RXFP1: variants seen among roughly 807,000 people sequenced by gnomAD.
RXFP1 encodes the protein relaxin family peptide receptor 1.
A neutral mutation model predicts 89.8 loss-of-function variants in RXFP1; 73 were observed. The ratio of observed to expected loss-of-function variants is 0.81; its 90% CI spans 0.67 to 0.99. The LOEUF is 0.99. RXFP1 is among the 50% of genes least tolerant of loss of function. RXFP1 has a pLI of 0.00. For synonymous variants in RXFP1, 277 were observed against 305.5 expected (o/e 0.91, Z 0.97); for missense variants, 793 against 895.5 (o/e 0.89, Z 1.46).
intron 1 of RXFP1, among the ~76,000 whole-genome samples, chr4:158,572,043 T>C (rs1188639996): frequency 6.6e-6 from 1 of 152,162 alleles, no homozygotes; most frequent in Non-Finnish European, 1.5e-5. Flanking sequence ...ATGACACACC[T>C]GGTGAAACCA....
chr4:158,589,137 C>T (rs1758872221), intron 2 of RXFP1, among the ~76,000 whole-genome samples: 1 of 152,036 alleles, frequency 6.6e-6, no homozygotes, highest in Non-Finnish European at 1.5e-5. Flanking sequence ...GGGAGAAGCC[C>T]CTTATAAAAC....
In RXFP1 at chr4:158,651,923, T is replaced by C. The variant is rs762304797; in HGVS notation, c.2142T>C (p.Ala714=). The change falls in exon 18 of 18, where the codon GCT becomes GCC. Residue 714 remains alanine (A), a synonymous_variant. Transcript: ENST00000307765. ...SMDSKGQKTY[A]PSFIWVEMWP... ...ACAGCAAAGGTCAGAAAACATATGC[T>C]CCATCATTCATCTGGGTGGAAATGT... is the stretch of plus-strand genomic sequence containing the variant. The C allele has an allele frequency of 6.2e-7, 1 of 1,614,136 alleles. No individual in the cohort carries two copies. The highest frequency in any genetic ancestry group is 8.5e-7 in the Non-Finnish European group (1 of 1,180,030).
At chr4:158,528,651 C>A (rs1051320151) in intron 1 of RXFP1, among the ~76,000 whole-genome samples, 1 of 152,230 alleles carries the variant, frequency 6.6e-6, no homozygotes, top group African/African-American at 2.4e-5. Context: ...ACATGCCATG[C>A]AAATCATGAA....
chr4:158,550,470 G>A (rs188741365), intron 1 of RXFP1, among the ~76,000 whole-genome samples: 1 of 152,216 alleles, frequency 6.6e-6, no homozygotes, highest in Non-Finnish European at 1.5e-5. Flanking sequence ...TGCACCCACT[G>A]TCTGGCACTC....
intron 1 of RXFP1, among the ~76,000 whole-genome samples, chr4:158,553,928 T>C (rs1440975104): frequency 6.6e-6 from 1 of 152,208 alleles, no homozygotes; most frequent in Non-Finnish European, 1.5e-5. Context: ...TACTGATTAT[T>C]CGCCAATGCT....
At position 158,626,887 on chromosome 4, in the gene RXFP1, G is replaced by C; in HGVS notation, c.823G>C (p.Val275Leu). 6.9e-7 allele frequency: 1 copy of C among 1,453,616 alleles called. No individual in the cohort carries two copies. The highest frequency in any genetic ancestry group is 1.2e-5 in the South Asian group (1 of 80,764). The allele number at this position is 1,453,616 out of a possible 1,614,324, so 90.0% of individuals were successfully genotyped here. A position where few individuals can be genotyped will look rare whatever the true frequency, so the allele number is the denominator to read the frequency against. Residue 275 changes from valine to leucine, a missense_variant, in exon 10 of 18, where the codon GTT (valine) becomes CTT (leucine). By Grantham distance (32) the Val-to-Leu change is conservative. Transcript: ENST00000307765. The stretch of plus-strand genomic sequence containing the variant: ...TTTTATTTCCTGCAGTAATTTAACT[G>C]TTTTGTAAGTAATATGCTATGCTTT... ...LTFISCSNLT[V>L]LVMRKNKINH...
At chr4:158,581,267 A>G (rs1757305421) in intron 2 of RXFP1, among the ~76,000 whole-genome samples, 1 of 152,234 alleles carries the variant, frequency 6.6e-6, no homozygotes, top group Admixed American at 6.5e-5. Context: ...TATAAATTAG[A>G]TATGATAGAC....
chr4:158,581,047 C>T (rs1340503924), intron 2 of RXFP1, among the ~76,000 whole-genome samples: 1 of 152,162 alleles, frequency 6.6e-6, no homozygotes, highest in African/African-American at 2.4e-5. Flanking sequence ...ACCTTGGCCT[C>T]CCAAAGTGCT....
chr4:158,567,223 C>T (rs1315082631), intron 1 of RXFP1, among the ~76,000 whole-genome samples: 2 of 152,188 alleles, frequency 1.3e-5, no homozygotes, highest in Non-Finnish European at 2.9e-5. Context: ...GCCTCCCCGA[C>T]GACCATGGCC....
rs1460783008 is a variant in RXFP1, at chr4:158,644,970, A to G, written c.1177A>G (p.Thr393Ala). 2 of 1,614,052 alleles carry G rather than the reference A, an allele frequency of 1.2e-6. No homozygotes were observed. The highest frequency in any genetic ancestry group is 1.7e-6 in the Non-Finnish European group (2 of 1,180,010). The change falls in exon 15 of 18, where the codon ACT (threonine) becomes GCT (alanine). Residue 393 changes from threonine (T) to alanine (A), a missense_variant. By Grantham distance (58) the Thr-to-Ala change is moderately conservative. Coordinates refer to ENST00000307765, the MANE Select transcript of RXFP1 (RefSeq NM_021634.4). ...ACATGTTCGCAGCTGTAAACCAAACACTGATGGAATTTCATCTCTAGAGAA... is the reference window on the plus strand; with the variant it reads ...ACATGTTCGCAGCTGTAAACCAAACGCTGATGGAATTTCATCTCTAGAGAA... ...APHVRSCKPNTDGISSLENLL... is the reference protein window; with the variant it reads ...APHVRSCKPNADGISSLENLL...
At chr4:158,540,250 TTTC>T (rs1264092001) in intron 1 of RXFP1, among the ~76,000 whole-genome samples, 1 of 152,126 alleles carries the variant, frequency 6.6e-6, no homozygotes, top group Admixed American at 6.5e-5. Flanking sequence ...CTTATACTTA[TTTC>T]TTGATTCTAT....
chr4:158,648,810 A>G, intron 17 of RXFP1, 93 bp downstream of exon 17: 2 of 784,088 alleles, frequency 2.6e-6, no homozygotes. Flanking sequence ...ACACTAAACA[A>G]TTCAAAGAAT....
intron 14 of RXFP1, among the ~76,000 whole-genome samples, chr4:158,640,702 G>A (rs1770210867): frequency 6.6e-6 from 1 of 152,048 alleles, no homozygotes. Context: ...CATGAGATTT[G>A]GAGTAGACAA....
At chr4:158,608,977 T>C (rs1763047488) in intron 6 of RXFP1, among the ~76,000 whole-genome samples, 1 of 152,252 alleles carries the variant, frequency 6.6e-6, no homozygotes, top group African/African-American at 2.4e-5. Context: ...TTTCCTTTTT[T>C]AGGGCTGAAT....
intron 8 of RXFP1, among the ~76,000 whole-genome samples, chr4:158,612,635 G>T (rs1207814719): frequency 6.8e-6 from 1 of 148,122 alleles, no homozygotes; most frequent in Non-Finnish European, 1.5e-5. Flanking sequence ...TTTTGACATG[G>T]AGTCTCACTG....
chr4:158,611,663 G>A (rs1213107628), intron 6 of RXFP1, among the ~76,000 whole-genome samples: 1 of 152,188 alleles, frequency 6.6e-6, no homozygotes, highest in Non-Finnish European at 1.5e-5. Context: ...CCTCTGTTTA[G>A]TAAAGCCTTC....
chr4:158,648,837 G>A, intron 17 of RXFP1, 120 bp downstream of exon 17: 2 of 671,370 alleles, frequency 3.0e-6, no homozygotes, highest in South Asian at 2.2e-5. Context: ...TCAGATCCGA[G>A]CACAGTGGCT....
intron 3 of RXFP1, among the ~76,000 whole-genome samples, chr4:158,598,391 C>T (rs1239989087): frequency 6.6e-6 from 1 of 152,094 alleles, no homozygotes; most frequent in Non-Finnish European, 1.5e-5. Flanking sequence ...TCTACAGTGA[C>T]ATTGCCTGAC....
intron 1 of RXFP1, among the ~76,000 whole-genome samples, chr4:158,541,433 A>C (rs1746613245): frequency 6.6e-6 from 1 of 151,786 alleles, no homozygotes. Flanking sequence ...GTATATGCCC[A>C]AATTCTAGGT....
Sources: allele counts gnomAD v4.1 joint callset (sites outside exome capture counted in the v4.1 genomes callset), GRCh38; gene constraint gnomAD v4.1.1; transcripts MANE v1.5; gene names NCBI Gene and HGNC (gene_info 2026-07-23, HGNC 2026-07-21).